ZHX3: variants seen among roughly 807,000 people sequenced by gnomAD.
ZHX3 encodes the protein zinc fingers and homeoboxes 3, also known as zinc fingers and homeoboxes protein 3.
Under a neutral mutation model 64.5 loss-of-function variants are expected in ZHX3, and 20 were observed. The ratio of observed to expected loss-of-function variants is 0.31; its 90% confidence interval spans 0.22 to 0.45. The LOEUF (loss-of-function observed/expected upper bound fraction) is 0.45. ZHX3 is among the 20% of genes least tolerant of loss of function. ZHX3 has a pLI of 1.00. For synonymous variants in ZHX3, 423 were observed against 461.6 expected (o/e 0.92, Z 1.07); for missense variants, 1,041 against 1,195.8 (o/e 0.87, Z 1.91).
At chr20:41,269,536 T>C (rs1412205708) in intron 1 of ZHX3, 4 of 151,884 alleles carry the variant, frequency 2.6e-5, no homozygotes, top group Admixed American at 1.3e-4. Flanking sequence ...AAGGAACTGT[T>C]TTCATCTCTG....
rs2045323293 is a variant in ZHX3, at chr20:41,317,519, C to CGGCGGT, written c.-261_-256dup. 6.7e-6 allele frequency: 1 copy of CGGCGGT among 148,568 alleles called. No individual in the cohort carries two copies. Among genetic ancestry groups the CGGCGGT allele is most frequent in the African/African-American group, 2.4e-5 (1 of 41,012 alleles). The allele number at this position is 148,568 out of a possible 1,614,324, so 9.2% of individuals were successfully genotyped here. A position where few individuals can be genotyped will look rare whatever the true frequency, so the allele number is the denominator to read the frequency against. ...GTGGCGGGCGCTCACCTGGCAGCGGCGGCGGTGGCGGCGCCCGCGACCGGG... is the reference window on the plus strand; with the variant it reads ...GTGGCGGGCGCTCACCTGGCAGCGGCGGCGGTGGCGGTGGCGGCGCCCGCGACCGGG... On this transcript the variant is annotated 5_prime_UTR_variant, in exon 1 of 4. Coordinates refer to ENST00000683867, the MANE Select transcript of ZHX3 (RefSeq NM_001384317.1).
At chr20:41,311,433 A>G (rs1329852974) in intron 1 of ZHX3, among the ~76,000 whole-genome samples, 1 of 152,288 alleles carries the variant, frequency 6.6e-6, no homozygotes, top group African/African-American at 2.4e-5. Context: ...AGAGCCTGAA[A>G]GCAAACTATC....
At chr20:41,251,224 T>C (rs2041977971) in intron 2 of ZHX3, among the ~76,000 whole-genome samples, 1 of 152,228 alleles carries the variant, frequency 6.6e-6, no homozygotes. Flanking sequence ...AGCAGGAATA[T>C]TGCTTGAGTC....
chr20:41,243,815 T>C (rs1343358688), intron 2 of ZHX3, among the ~76,000 whole-genome samples: 1 of 152,108 alleles, frequency 6.6e-6, no homozygotes, highest in African/African-American at 2.4e-5. Flanking sequence ...CTGCAATGAA[T>C]GGACACAAGC....
At chr20:41,296,232 TAAAAAAAAAAAA>T (rs57987896) in intron 1 of ZHX3, among the ~76,000 whole-genome samples, 100 of 72,990 alleles carry the variant, frequency 1.4e-3, no homozygotes, top group Non-Finnish European at 1.9e-3. Flanking sequence ...GTTCATAAAG[TAAAAAAAAAAAA>T]AAAAAAAAAA....
chr20:41,237,643 T>C (rs955319940), intron 2 of ZHX3, among the ~76,000 whole-genome samples: 3 of 152,022 alleles, frequency 2.0e-5, no homozygotes, highest in Non-Finnish European at 4.4e-5. Flanking sequence ...GGGATAGCAT[T>C]AGGAGATATA....
intron 1 of ZHX3, among the ~76,000 whole-genome samples, chr20:41,270,880 T>C (rs1169647491): frequency 2.0e-5 from 3 of 152,112 alleles, no homozygotes; most frequent in Admixed American, 6.6e-5. Context: ...AGAAACAACT[T>C]CTAATTCTCC....
At chr20:41,229,591 G>A (rs956654638) in intron 2 of ZHX3, among the ~76,000 whole-genome samples, 1 of 151,960 alleles carries the variant, frequency 6.6e-6, no homozygotes, top group South Asian at 2.1e-4. Context: ...TTTCTTCAGA[G>A]TTGCCATCCT....
chr20:41,222,196 T>C (rs2039989187), intron 2 of ZHX3, among the ~76,000 whole-genome samples: 1 of 152,198 alleles, frequency 6.6e-6, no homozygotes. Context: ...GGCTGGATTC[T>C]GGATATGTTT....
Position 41,228,263 on chromosome 20 carries a change from C to A in ZHX3, c.-150-23197G>T, listed in dbSNP as rs1424746642. On this transcript the variant is annotated intron_variant, in intron 2 of 3. Transcript: ENST00000683867. The surrounding 1 kb of genome is among the most constrained non-coding windows in gnomAD (Gnocchi z 4.6). Reference sequence around the variant, plus strand: ...TACTTCCAACTGCCATTGATCCCTGCAGGTTTTAAAAAACTACATGCATAA... The same window carrying A: ...TACTTCCAACTGCCATTGATCCCTGAAGGTTTTAAAAAACTACATGCATAA... Among the ~76,000 whole-genome samples, 1 of 152,182 alleles carries A rather than the reference C, an allele frequency of 6.6e-6. No individual in the cohort carries two copies.
chr20:41,196,502 T>TAAATATATTTA (rs1555826808), intron 3 of ZHX3: 1 of 14,002 alleles, frequency 7.1e-5, no homozygotes, highest in African/African-American at 2.4e-4. Context: ...ATATTATATA[T>TAAATATATTTA]TATAAATATA....
At chr20:41,284,845 C>G (rs1359588219) in intron 1 of ZHX3, among the ~76,000 whole-genome samples, 1 of 152,176 alleles carries the variant, frequency 6.6e-6, no homozygotes, top group Non-Finnish European at 1.5e-5. Context: ...TAAGCTCCAT[C>G]CTACCCCCTA....
At chr20:41,261,947 A>G (rs1022599147) in intron 2 of ZHX3, among the ~76,000 whole-genome samples, 1 of 152,058 alleles carries the variant, frequency 6.6e-6, no homozygotes, top group Non-Finnish European at 1.5e-5. Context: ...TCTGCACCCA[A>G]TCCACACCCT....
chr20:41,268,929 C>G (rs1411343638), intron 2 of ZHX3, 61 bp downstream of exon 2: 1 of 152,304 alleles, frequency 6.6e-6, no homozygotes, highest in East Asian at 1.9e-4. Context: ...ATTAATGTAG[C>G]AAGAAACTTG....
At position 41,204,635 on chromosome 20, in the gene ZHX3, T is replaced by A; in HGVS notation, c.282A>T (p.Gly94=). ...FRSHDMTQFV[G]HMNSEHTDFN... The stretch of plus-strand genomic sequence containing the variant: ...AGTCTGTGTGCTCTGAGTTCATATG[T>A]CCCACAAATTGGGTCATGTCATGGG... Residue 94 remains glycine, a synonymous_variant, in exon 3 of 4, where the codon GGA becomes GGT. Transcript: ENST00000683867. This position sits in a 1 kb window ranked among gnomAD's most constrained non-coding sequence, Gnocchi z 6.6. The A allele has an allele frequency of 6.2e-7, 1 of 1,614,260 alleles. No individual in the cohort carries two copies. The highest frequency in any genetic ancestry group is 8.5e-7 in the Non-Finnish European group (1 of 1,180,044).
intron 1 of ZHX3, among the ~76,000 whole-genome samples, chr20:41,310,868 G>T (rs1189307358): frequency 6.9e-6 from 1 of 144,590 alleles, no homozygotes; most frequent in Non-Finnish European, 1.5e-5. Context: ...GAGTGCAGTG[G>T]CGTGATCTCG....
intron 1 of ZHX3, among the ~76,000 whole-genome samples, chr20:41,290,870 C>G (rs2044202477): frequency 6.6e-6 from 1 of 152,168 alleles, no homozygotes; most frequent in Admixed American, 6.5e-5. Flanking sequence ...ATCTCCTCTC[C>G]CACTTTCTTC....
At position 41,195,882 on chromosome 20, in the gene ZHX3, T is replaced by G. The variant is rs529228125; in HGVS notation, c.2860+6175A>C. On this transcript the variant is annotated intron_variant, in intron 3 of 3. Transcript: ENST00000683867. The surrounding 1 kb of genome is among the most constrained non-coding windows in gnomAD (Gnocchi z 4.2). ...ATTAGTTTTTAAATAGTGTGTTAAT[T>G]TCCACCTATTTGTGTATTTCCACTT... Among the ~76,000 whole-genome samples, 14 of 152,340 alleles carry G rather than the reference T, an allele frequency of 9.2e-5. No homozygotes were observed. The East Asian group carries it at 2.7e-3, about 29-fold the overall frequency.
At chr20:41,190,791 G>A (rs2036951469) in intron 3 of ZHX3, among the ~76,000 whole-genome samples, 1 of 152,148 alleles carries the variant, frequency 6.6e-6, no homozygotes, top group South Asian at 2.1e-4. Flanking sequence ...CTTCATTTAT[G>A]AAGGATAATT....
Sources: allele counts gnomAD v4.1 joint callset (sites outside exome capture counted in the v4.1 genomes callset), GRCh38; gene constraint gnomAD v4.1.1; non-coding constraint Gnocchi (gnomAD v3.1); transcripts MANE v1.5; gene names NCBI Gene and HGNC (gene_info 2026-07-23, HGNC 2026-07-21).